RAP1GAP2: variants seen among roughly 807,000 people sequenced by gnomAD.
RAP1GAP2 encodes the protein RAP1 GTPase activating protein 2, also known as rap1 GTPase-activating protein 2.
RAP1GAP2 carries 27 observed loss-of-function variants against 95.0 expected under a neutral mutation model. The ratio of observed to expected loss-of-function variants is 0.28; its 90% CI spans 0.21 to 0.39. The LOEUF (loss-of-function observed/expected upper bound fraction) is 0.39, where lower values mean the gene tolerates loss of function less well. Ranked by LOEUF, RAP1GAP2 falls within the 10% of genes least tolerant of loss-of-function variation. The pLI is 1.00. For missense variants in RAP1GAP2, 771 were observed against 970.0 expected (o/e 0.79, Z 2.72); for synonymous variants, 373 against 380.9 (o/e 0.98, Z 0.24).
chr17:2,907,521 G>A (rs767804376), intron 3 of RAP1GAP2, among the ~76,000 whole-genome samples: 1 of 152,100 alleles, frequency 6.6e-6, no homozygotes, highest in Non-Finnish European at 1.5e-5. Flanking sequence ...ATATTCTAAA[G>A]GTGAAGCACA....
intron 18 of RAP1GAP2, among the ~76,000 whole-genome samples, chr17:3,019,425 A>T (rs1361549754): frequency 6.6e-6 from 1 of 151,876 alleles, no homozygotes; most frequent in Non-Finnish European, 1.5e-5. Flanking sequence ...AGGTGGGAGG[A>T]TCACCTGTGC....
At chr17:2,864,154 A>G (rs757656923) in intron 2 of RAP1GAP2, among the ~76,000 whole-genome samples, 18 of 151,912 alleles carry the variant, frequency 1.2e-4, no homozygotes, top group Non-Finnish European at 1.6e-4. Flanking sequence ...TGCAGACAGC[A>G]GCAGCCCTGC....
intron 1 of RAP1GAP2, among the ~76,000 whole-genome samples, chr17:2,760,292 C>CAAAAAAAAAAAAAAAAA (rs374784170): frequency 1.7e-5 from 1 of 59,270 alleles, no homozygotes; most frequent in Non-Finnish European, 3.3e-5. Context: ...GACTCTGTCT[C>CAAAAAAAAAAAAAAAAA]AAAAAAAAAA....
chr17:2,915,979 C>T (rs2042555042), intron 3 of RAP1GAP2, among the ~76,000 whole-genome samples: 1 of 152,190 alleles, frequency 6.6e-6, no homozygotes, highest in African/African-American at 2.4e-5. Context: ...GGATTACAGG[C>T]ATGAGCCACT....
chr17:2,931,818 C>G (rs1021989639), intron 3 of RAP1GAP2, among the ~76,000 whole-genome samples: 1 of 152,194 alleles, frequency 6.6e-6, no homozygotes, highest in African/African-American at 2.4e-5. Flanking sequence ...TGGCGCCTTG[C>G]TCAGCCTTCC....
chr17:2,943,039 G>A (rs2043563036), intron 3 of RAP1GAP2, among the ~76,000 whole-genome samples: 2 of 152,058 alleles, frequency 1.3e-5, no homozygotes, highest in Admixed American at 1.3e-4. Context: ...AAAGTGCTGG[G>A]ATTACAGGTG....
intron 2 of RAP1GAP2, among the ~76,000 whole-genome samples, chr17:2,837,226 G>T (rs1389823377): frequency 6.6e-6 from 1 of 150,986 alleles, no homozygotes; most frequent in Non-Finnish European, 1.5e-5. Context: ...ACTCCAGCCT[G>T]GGTGACAGAG....
intron 2 of RAP1GAP2, among the ~76,000 whole-genome samples, chr17:2,873,305 CAAA>C (rs377575894): frequency 0.17 from 15,974 of 95,566 alleles, 1,244 homozygotes; most frequent in South Asian, 0.25. Flanking sequence ...ACCAAAAATA[CAAA>C]AAAAAAAAAA....
chr17:2,980,032 C>T (rs1487304854), intron 8 of RAP1GAP2, among the ~76,000 whole-genome samples: 3 of 151,830 alleles, frequency 2.0e-5, no homozygotes, highest in Admixed American at 6.6e-5. Flanking sequence ...CCTCCGTCTC[C>T]CGGGTTCAAG....
intron 1 of RAP1GAP2, among the ~76,000 whole-genome samples, chr17:2,768,746 G>T (rs925373042): frequency 6.6e-5 from 10 of 150,746 alleles, no homozygotes; most frequent in Non-Finnish European, 1.3e-4. Context: ...GGTTCTTCCA[G>T]GAGGGGTTGG....
chr17:2,898,297 G>A (rs1432508355), intron 2 of RAP1GAP2, among the ~76,000 whole-genome samples: 1 of 152,176 alleles, frequency 6.6e-6, no homozygotes, highest in African/African-American at 2.4e-5. Flanking sequence ...GGGATGGGCT[G>A]TGACCCCGAG....
intron 2 of RAP1GAP2, among the ~76,000 whole-genome samples, chr17:2,834,452 A>C (rs189055023): frequency 7.6e-4 from 115 of 152,252 alleles, no homozygotes; most frequent in African/African-American, 2.6e-3. Flanking sequence ...TTGACCTTGG[A>C]GACAGTTTCT....
chr17:2,985,136 C>T, intron 11 of RAP1GAP2, 70 bp downstream of exon 11: 1 of 1,603,234 alleles, frequency 6.2e-7, no homozygotes, highest in Non-Finnish European at 8.5e-7. Context: ...TTATCCCCAC[C>T]CAGAACACAG....
rs995550413 is a variant in RAP1GAP2, at chr17:2,849,036, G to C, written c.80+48486G>C. ...GGTGTGAGCGTTCAGCTGTGTGCGA[G>C]CGGGCTTCAGAGTGATATCCCAGAG... On this transcript the variant is annotated intron_variant, in intron 2 of 24. Transcript: ENST00000254695. Among the ~76,000 whole-genome samples the C allele has an allele frequency of 2.0e-5, 3 of 152,166 alleles. No homozygotes were observed. The South Asian group carries it at 6.2e-4, about 31-fold the overall frequency.
chr17:2,955,802 T>C (rs1169020221), intron 3 of RAP1GAP2, among the ~76,000 whole-genome samples: 1 of 152,246 alleles, frequency 6.6e-6, no homozygotes, highest in Admixed American at 6.5e-5. Flanking sequence ...ATCGAAGTTA[T>C]CTAATTTATT....
At position 3,032,478 on chromosome 17, in the gene RAP1GAP2, C is replaced by T. The variant is rs571821639; in HGVS notation, c.*30+29C>T. On this transcript the variant is annotated intron_variant, in intron 24 of 24. Transcript: ENST00000254695. ...GGTTGAGTGAATGTCCTGCTGTGGCCGTGAGGGGGGACGTGTGTTTCTTTT... is the reference window on the plus strand; with the variant it reads ...GGTTGAGTGAATGTCCTGCTGTGGCTGTGAGGGGGGACGTGTGTTTCTTTT... 1.0e-4 allele frequency: 166 copies of T among 1,599,438 alleles called. 2 individuals are homozygous for T. In the South Asian group the frequency reaches 1.4e-3, roughly 14 times the overall value.
chr17:2,947,180 C>G (rs944489037), intron 3 of RAP1GAP2, among the ~76,000 whole-genome samples: 2 of 150,140 alleles, frequency 1.3e-5, no homozygotes, highest in African/African-American at 2.5e-5. Flanking sequence ...AACGCTCCAG[C>G]AGCAAAGGAG....
intron 3 of RAP1GAP2, among the ~76,000 whole-genome samples, chr17:2,936,903 A>G (rs2043325806): frequency 1.3e-5 from 2 of 152,170 alleles, no homozygotes; most frequent in Non-Finnish European, 2.9e-5. Flanking sequence ...TATGATTGTC[A>G]TAGTCACCAG....
At chr17:2,892,484 C>T (rs998762135) in intron 2 of RAP1GAP2, among the ~76,000 whole-genome samples, 3 of 152,110 alleles carry the variant, frequency 2.0e-5, no homozygotes, top group Non-Finnish European at 4.4e-5. Flanking sequence ...ATGACTGCGA[C>T]GGTCCACTGG....
Sources: gnomAD v4.1 joint callset for allele counts (sites outside exome capture counted in the v4.1 genomes callset) on GRCh38, gnomAD v4.1.1 for gene constraint, MANE v1.5 for transcripts, NCBI Gene and HGNC (gene_info 2026-07-23, HGNC 2026-07-21) for gene names.